NEK5: variants seen among roughly 807,000 people sequenced by gnomAD.
The protein encoded by NEK5 is NIMA related kinase 5.
Under a neutral mutation model 109.2 loss-of-function variants are expected in NEK5, and 88 were observed. The ratio of observed to expected loss-of-function variants is 0.81; its 90% CI spans 0.68 to 0.96. The LOEUF (loss-of-function observed/expected upper bound fraction) is 0.96, where lower values mean the gene tolerates loss of function less well. Among genes scored for constraint, NEK5 ranks in the 40% least tolerant of loss-of-function variants. NEK5 has a pLI of 0.00. For synonymous variants in NEK5, 283 were observed against 299.9 expected (o/e 0.94, Z 0.58); for missense variants, 834 against 920.7 (o/e 0.91, Z 1.22).
intron 22 of NEK5, among the ~76,000 whole-genome samples, chr13:52,059,484 G>A (rs1430306846): frequency 2.2e-5 from 3 of 133,886 alleles, no homozygotes; most frequent in Non-Finnish European, 4.7e-5. Flanking sequence ...AAATCATGCT[G>A]TTATAAAGAC....
intron 22 of NEK5, 55 bp downstream of exon 22, chr13:52,061,764 G>A: frequency 1.2e-6 from 1 of 802,412 alleles, no homozygotes; most frequent in Non-Finnish European, 1.5e-6. Flanking sequence ...GCATTTGCAA[G>A]TCTTGACAAA....
At chr13:52,119,502 T>C (rs1955929967) in intron 3 of NEK5, 87 bp from the exon 4 acceptor site, 1 of 610,918 alleles carries the variant, frequency 1.6e-6, no homozygotes, top group African/African-American at 1.8e-5. Context: ...TAAAATTCTC[T>C]AGGATTTCAC....
Position 52,054,911 on chromosome 13 carries a change from C to T in NEK5, c.2111-4690G>A, listed in dbSNP as rs549957984. ...GAGCACCTCTCCTCCTCCAAAGGAA[C>T]GCAGTTCCTCACCAGCAACAGAACA... On this transcript the variant is annotated intron_variant, in intron 22 of 23. Transcript: ENST00000684899. Among the ~76,000 whole-genome samples, 518 of 139,266 alleles carry T rather than the reference C, an allele frequency of 3.7e-3. 5 individuals are homozygous for T. Among genetic ancestry groups the T allele is most frequent in the African/African-American group, 0.011 (403 of 38,116 alleles). The allele number at this position is 139,266 out of a possible 152,430, so 91.4% of individuals were successfully genotyped here. A position where few individuals can be genotyped will look rare whatever the true frequency, so the allele number is the denominator to read the frequency against.
chr13:52,084,094 C>T (rs887075407), intron 16 of NEK5, among the ~76,000 whole-genome samples: 3 of 152,332 alleles, frequency 2.0e-5, no homozygotes, highest in South Asian at 2.1e-4. Context: ...CATAAATACC[C>T]GCTACCTGCT....
intron 21 of NEK5, among the ~76,000 whole-genome samples, chr13:52,064,196 CCGGCCAGCCGCCCCGTCCGGGAGGGAGG>C: frequency 6.9e-6 from 1 of 144,564 alleles, no homozygotes; most frequent in African/African-American, 2.6e-5. Flanking sequence ...AGCCCCCCGC[CCGGCCAGCCGCCCCGTCCGGGAGGGAGG>C]TGGGGGGGTC....
intron 12 of NEK5, among the ~76,000 whole-genome samples, chr13:52,094,579 C>G (rs189125622): frequency 1.2e-4 from 19 of 152,252 alleles, no homozygotes; most frequent in Admixed American, 1.2e-3. Context: ...GTCAGGAGAT[C>G]GAGACCACCA....
intron 21 of NEK5, among the ~76,000 whole-genome samples, chr13:52,062,800 T>A (rs1954624035): frequency 6.6e-6 from 1 of 152,124 alleles, no homozygotes; most frequent in Non-Finnish European, 1.5e-5. Context: ...CATAATCATA[T>A]CCTAAACACT....
At chr13:52,051,050 A>G (rs1428680918) in intron 22 of NEK5, among the ~76,000 whole-genome samples, 1 of 127,472 alleles carries the variant, frequency 7.8e-6, no homozygotes, top group Admixed American at 8.3e-5. Flanking sequence ...ACAAAGAATT[A>G]TAAGGCAGGG....
intron 22 of NEK5, among the ~76,000 whole-genome samples, chr13:52,054,970 A>G (rs1277538807): frequency 6.6e-6 from 1 of 152,136 alleles, no homozygotes; most frequent in Non-Finnish European, 1.5e-5. Context: ...ACAAGCTGAG[A>G]GAAGAAGGCT....
chr13:52,109,510 G>T lies in NEK5; in HGVS notation c.467+830C>A, dbSNP rs148800674. Among the ~76,000 whole-genome samples the T allele has an allele frequency of 3.2e-3, 483 of 152,088 alleles. 3 individuals carry two copies. The highest frequency in any genetic ancestry group is 0.01 in the African/African-American group (434 of 41,488). On this transcript the variant is annotated intron_variant, in intron 7 of 23. Coordinates refer to ENST00000684899, the MANE Select transcript of NEK5 (RefSeq NM_001365552.1). Reference sequence around the variant, plus strand: ...TAGTCCTGCAAAGGTATCTCTTGTGGGGAAAATCTACATTCTGAAGAAAAT... The same window carrying T: ...TAGTCCTGCAAAGGTATCTCTTGTGTGGAAAATCTACATTCTGAAGAAAAT...
Position 52,112,305 on chromosome 13 carries a change from A to G in NEK5, c.275T>C (p.Ile92Thr), listed in dbSNP as rs754186308. Residue 92 changes from isoleucine (I) to threonine (T), a missense_variant, in exon 5 of 24, where the codon ATC (isoleucine) becomes ACC (threonine). Transcript: ENST00000684899. ...YCDGGDLMKR[I>T]NRQRGVLFSE... ...AAATAACACACCCCGTTGTCTATTG[A>G]TCCTTTTCATGAGATCCCCTCCATC... The G allele has an allele frequency of 3.1e-6, 5 of 1,611,588 alleles. No individual in the cohort carries two copies. The South Asian group carries it at 5.5e-5, about 18-fold the overall frequency.
intron 22 of NEK5, among the ~76,000 whole-genome samples, chr13:52,059,787 C>T (rs1441086266): frequency 1.3e-5 from 2 of 150,448 alleles, no homozygotes; most frequent in African/African-American, 4.9e-5. Flanking sequence ...GGGAACATCA[C>T]ACTCTGGGGC....
intron 20 of NEK5, among the ~76,000 whole-genome samples, chr13:52,071,252 C>T (rs1451407795): frequency 6.6e-6 from 1 of 152,198 alleles, no homozygotes; most frequent in Non-Finnish European, 1.5e-5. Flanking sequence ...GGGGGAACAA[C>T]TGTTCTGAGA....
chr13:52,072,757 C>T (rs1954804465), intron 19 of NEK5, among the ~76,000 whole-genome samples: 1 of 152,038 alleles, frequency 6.6e-6, no homozygotes, highest in East Asian at 1.9e-4. Context: ...ATAAGAAATG[C>T]TAACATGAAA....
At chr13:52,091,593 T>G (rs1955284956) in intron 13 of NEK5, among the ~76,000 whole-genome samples, 1 of 152,182 alleles carries the variant, frequency 6.6e-6, no homozygotes, top group Non-Finnish European at 1.5e-5. Context: ...TTTTCATAAT[T>G]CATCCAAAAT....
Position 52,037,001 on chromosome 13 carries a change from T to C in NEK5, c.2446A>G (p.Ile816Val). 1 of 985,276 alleles carries C rather than the reference T, an allele frequency of 1.0e-6. No homozygotes were observed. The highest frequency in any genetic ancestry group is 1.2e-6 in the Non-Finnish European group (1 of 829,780). 61.0% of individuals were successfully genotyped at this position (985,276 alleles called of 1,614,324 possible). A position where few individuals can be genotyped will look rare whatever the true frequency, so the allele number is the denominator to read the frequency against. Reference protein sequence around the residue: ...ISTTSNDHICITDEDQGTSTT... With the variant: ...ISTTSNDHICVTDEDQGTSTT... Reference sequence around the variant, plus strand: ...GATGTTCCTTGGTCTTCATCAGTAATACAAATGTGGTCATTAGATGTAGTA... The same window carrying C: ...GATGTTCCTTGGTCTTCATCAGTAACACAAATGTGGTCATTAGATGTAGTA... The change falls in exon 24 of 24, where the codon ATT (isoleucine) becomes GTT (valine). Residue 816 changes from isoleucine (I) to valine (V), a missense_variant. Transcript: ENST00000684899.
intron 22 of NEK5, among the ~76,000 whole-genome samples, chr13:52,061,262 T>C (rs1954612079): frequency 2.0e-5 from 3 of 152,156 alleles, no homozygotes; most frequent in Admixed American, 2.0e-4. Flanking sequence ...ATGCAGCTGC[T>C]GATCTGACAG....
chr13:52,099,866 T>C lies in NEK5; in HGVS notation c.903A>G (p.Ile301Met). 1 of 1,613,394 alleles carries C rather than the reference T, an allele frequency of 6.2e-7. No individual in the cohort carries two copies. Among genetic ancestry groups the C allele is most frequent in the Non-Finnish European group, 8.5e-7 (1 of 1,179,524 alleles). Residue 301 changes from isoleucine (I) to methionine (M), a missense_variant, in exon 12 of 24, where the codon ATA becomes ATG. Ile to Met is a conservative substitution (Grantham distance 10). Coordinates refer to ENST00000684899, the MANE Select transcript of NEK5 (RefSeq NM_001365552.1). The stretch of plus-strand genomic sequence containing the variant: ...ACTTTCCCTGGAATCTCACTTTTTG[T>C]ATTTTACACTCTTAATTAACCAAAA... ...HAGKVVQKCK[I>M]QKVRFQGKCP...
intron 5 of NEK5, 104 bp from the exon 6 acceptor site, chr13:52,110,681 C>CAT: frequency 1.5e-6 from 1 of 659,424 alleles, no homozygotes; most frequent in Non-Finnish European, 2.7e-6. Context: ...CACACACACA[C>CAT]ACATACACAC....
Sources: gnomAD v4.1 joint callset for allele counts (sites outside exome capture counted in the v4.1 genomes callset) on GRCh38, gnomAD v4.1.1 for gene constraint, MANE v1.5 for transcripts, NCBI Gene and HGNC (gene_info 2026-07-23, HGNC 2026-07-21) for gene names.